Variants in APBB1IP observed in about 807,000 individuals in gnomAD.
APBB1IP encodes amyloid beta precursor protein binding family B member 1 interacting protein, also known as amyloid beta A4 precursor protein-binding family B member 1-interacting protein.
Under a neutral mutation model 64.9 loss-of-function variants are expected in APBB1IP, and 27 were observed. The observed-to-expected ratio is 0.42, with a 90% confidence interval of 0.31 to 0.57. The LOEUF (loss-of-function observed/expected upper bound fraction) is 0.57. Ranked by LOEUF, APBB1IP falls within the 20% of genes least tolerant of loss-of-function variation. The pLI is 0.20. For synonymous variants in APBB1IP, 392 were observed against 331.0 expected, an observed-to-expected ratio of 1.18 and a Z score of -2.00; for missense variants, 812 against 845.5, an observed-to-expected ratio of 0.96 and a Z score of 0.49.
chr10:26,535,038 A>G (rs1288411754), intron 9 of APBB1IP, among the ~76,000 whole-genome samples: 1 of 152,196 alleles, frequency 6.6e-6, no homozygotes, highest in Non-Finnish European at 1.5e-5. Context: ...ACTAAATGAG[A>G]GGATGTTGAG....
At chr10:26,539,181 T>C (rs951759314) in intron 10 of APBB1IP, among the ~76,000 whole-genome samples, 31 of 151,544 alleles carry the variant, frequency 2.0e-4, no homozygotes, top group African/African-American at 7.5e-4. Flanking sequence ...GAGGACCAGG[T>C]GGGAGGATAG....
chr10:26,485,629 C>T (rs1835882011), intron 2 of APBB1IP, among the ~76,000 whole-genome samples: 1 of 152,160 alleles, frequency 6.6e-6, no homozygotes, highest in Non-Finnish European at 1.5e-5. Flanking sequence ...TTAGATGTCA[C>T]AACAAGCCTA....
In APBB1IP at chr10:26,477,009, C is replaced by G. The variant is rs1835784394; in HGVS notation, c.1-15318C>G. The stretch of plus-strand genomic sequence containing the variant: ...AGAGGCGGGGTTTCACCATATTGGC[C>G]AGGCTGGTCTCGAACTCCTGACCTC... On this transcript the variant is annotated intron_variant, in intron 2 of 14. Coordinates refer to ENST00000376236, the MANE Select transcript of APBB1IP (RefSeq NM_019043.4). Among the ~76,000 whole-genome samples, 3 of 152,156 alleles carry G rather than the reference C, an allele frequency of 2.0e-5. No homozygotes were observed. In the South Asian group the frequency reaches 6.2e-4, roughly 31 times the overall value.
At chr10:26,440,086 T>C (rs1386178119) in intron 2 of APBB1IP, among the ~76,000 whole-genome samples, 1 of 152,220 alleles carries the variant, frequency 6.6e-6, no homozygotes. Context: ...AAACTATTAA[T>C]AATGTGTGTC....
intron 11 of APBB1IP, among the ~76,000 whole-genome samples, chr10:26,554,805 G>A (rs1229035085): frequency 6.6e-6 from 1 of 152,004 alleles, no homozygotes; most frequent in East Asian, 1.9e-4. Context: ...CTGATCTTGA[G>A]CTCTTGGGCT....
intron 13 of APBB1IP, among the ~76,000 whole-genome samples, chr10:26,561,491 G>A (rs1836972579): frequency 6.8e-6 from 1 of 147,864 alleles, no homozygotes. Context: ...CACTTCTTTC[G>A]TGATATTCTG....
At chr10:26,465,237 T>C (rs1017131515) in intron 2 of APBB1IP, among the ~76,000 whole-genome samples, 3 of 152,136 alleles carry the variant, frequency 2.0e-5, no homozygotes, top group African/African-American at 7.2e-5. Flanking sequence ...ATTGAAGAAA[T>C]TCATGTAGAG....
At chr10:26,534,779 T>C (rs1012869826) in intron 9 of APBB1IP, among the ~76,000 whole-genome samples, 1 of 152,208 alleles carries the variant, frequency 6.6e-6, no homozygotes, top group Non-Finnish European at 1.5e-5. Context: ...ATAGTCCTTG[T>C]TCCAGGAATT....
At chr10:26,470,700 T>C (rs1835705901) in intron 2 of APBB1IP, among the ~76,000 whole-genome samples, 2 of 152,216 alleles carry the variant, frequency 1.3e-5, no homozygotes, top group African/African-American at 4.8e-5. Flanking sequence ...CAATTTACGA[T>C]GGGTTTTTCC....
At chr10:26,449,933 G>A (rs1304762874) in intron 2 of APBB1IP, among the ~76,000 whole-genome samples, 1 of 152,108 alleles carries the variant, frequency 6.6e-6, no homozygotes, top group Non-Finnish European at 1.5e-5. Flanking sequence ...ATTGAGCCCA[G>A]GAAGTCGAGC....
intron 8 of APBB1IP, among the ~76,000 whole-genome samples, chr10:26,516,357 A>G (rs1836327577): frequency 1.3e-5 from 2 of 151,826 alleles, no homozygotes; most frequent in South Asian, 4.2e-4. Context: ...AGTTTGACCA[A>G]CATAGAGAAA....
intron 2 of APBB1IP, among the ~76,000 whole-genome samples, chr10:26,490,914 C>T (rs1474814577): frequency 6.6e-6 from 1 of 152,036 alleles, no homozygotes; most frequent in East Asian, 1.9e-4. Flanking sequence ...ATACTGATTC[C>T]CTACACCCAC....
rs1384977141 is a variant in APBB1IP, at chr10:26,445,052, C to G, written c.-1+6199C>G. 2.0e-5 allele frequency among the ~76,000 whole-genome samples: 3 copies of G among 146,640 alleles called. No individual in the cohort carries two copies. In the East Asian group the frequency reaches 6.2e-4, roughly 30 times the overall value. ...GGTGGAGATTTCAGTGAGCCAAGATCATGCCACTGCACTCCAGCCTGGTGA... is the reference window on the plus strand; with the variant it reads ...GGTGGAGATTTCAGTGAGCCAAGATGATGCCACTGCACTCCAGCCTGGTGA... On this transcript the variant is annotated intron_variant, in intron 2 of 14. Coordinates refer to ENST00000376236, the MANE Select transcript of APBB1IP (RefSeq NM_019043.4).
intron 2 of APBB1IP, among the ~76,000 whole-genome samples, chr10:26,478,733 G>A (rs1417417722): frequency 6.6e-6 from 1 of 152,102 alleles, no homozygotes; most frequent in Admixed American, 6.6e-5. Context: ...TGTAGACCAA[G>A]GCTGAAGAGA....
chr10:26,511,700 T>C (rs758283155), intron 6 of APBB1IP, 47 bp from the exon 7 acceptor site: 5 of 1,605,350 alleles, frequency 3.1e-6, no homozygotes, highest in Non-Finnish European at 8.5e-7. Context: ...TTAGTAGCCT[T>C]CTCCAGTTGC....
At chr10:26,542,673 C>A (rs1836711363) in intron 11 of APBB1IP, among the ~76,000 whole-genome samples, 1 of 152,024 alleles carries the variant, frequency 6.6e-6, no homozygotes, top group South Asian at 2.1e-4. Context: ...CAATTACAAT[C>A]ACTTATTATA....
chr10:26,530,343 G>A (rs1261761964), intron 8 of APBB1IP, among the ~76,000 whole-genome samples: 1 of 151,262 alleles, frequency 6.6e-6, no homozygotes, highest in African/African-American at 2.4e-5. Flanking sequence ...GACTACAGGT[G>A]CATGCCATTA....
At chr10:26,475,673 C>G (rs1393038478) in intron 2 of APBB1IP, among the ~76,000 whole-genome samples, 2 of 152,154 alleles carry the variant, frequency 1.3e-5, no homozygotes, top group African/African-American at 4.8e-5. Context: ...AGCTCCTCAT[C>G]TAAGAAAAGA....
chr10:26,539,115 A>G (rs892870278), intron 10 of APBB1IP, among the ~76,000 whole-genome samples: 1 of 152,200 alleles, frequency 6.6e-6, no homozygotes, highest in Non-Finnish European at 1.5e-5. Flanking sequence ...AAATCCTAGA[A>G]GAAAACAGAG....
Sources: gnomAD v4.1 joint callset for allele counts (sites outside exome capture counted in the v4.1 genomes callset) on GRCh38, gnomAD v4.1.1 for gene constraint, MANE v1.5 for transcripts, NCBI Gene and HGNC (gene_info 2026-07-23, HGNC 2026-07-21) for gene names.